SEMA5A: variants seen among roughly 807,000 people sequenced by gnomAD.
SEMA5A encodes the protein semaphorin-5A.
A neutral mutation model predicts 135.5 loss-of-function variants in SEMA5A; 55 were observed. That is an observed-to-expected ratio of 0.41 (90% CI 0.33 to 0.51). The LOEUF is 0.51. Ranked by LOEUF, SEMA5A falls within the 20% of genes least tolerant of loss-of-function variation. SEMA5A has a pLI of 0.37. For missense variants in SEMA5A, 1,290 were observed against 1,419.9 expected (o/e 0.91, Z 1.47); for synonymous variants, 580 against 546.5 (o/e 1.06, Z -0.85).
intron 11 of SEMA5A, among the ~76,000 whole-genome samples, chr5:9,155,371 A>G (rs536795664): frequency 3.2e-4 from 48 of 151,248 alleles, no homozygotes; most frequent in East Asian, 3.9e-4. Context: ...GTTTCTGTGC[A>G]CTTATTTATC....
intron 8 of SEMA5A, among the ~76,000 whole-genome samples, chr5:9,206,367 CT>C (rs1746015412): frequency 1.3e-5 from 2 of 152,068 alleles, no homozygotes; most frequent in African/African-American, 4.8e-5. Flanking sequence ...GATATAAGAA[CT>C]TTTATTTTGC....
At chr5:9,236,134 A>G (rs1747895043) in intron 6 of SEMA5A, among the ~76,000 whole-genome samples, 1 of 152,062 alleles carries the variant, frequency 6.6e-6, no homozygotes, top group African/African-American at 2.4e-5. Context: ...TCTAGCACAC[A>G]TGGGAATTAT....
intron 11 of SEMA5A, among the ~76,000 whole-genome samples, chr5:9,177,632 G>A (rs1014326489): frequency 6.6e-6 from 1 of 152,174 alleles, no homozygotes; most frequent in Non-Finnish European, 1.5e-5. Flanking sequence ...AGCCACCAAG[G>A]CTCATCTCCA....
chr5:9,255,726 T>C (rs186811257), intron 5 of SEMA5A, among the ~76,000 whole-genome samples: 98 of 152,288 alleles, frequency 6.4e-4, no homozygotes, highest in Non-Finnish European at 1.2e-3. Flanking sequence ...CCTTGGGTAA[T>C]ATTACCTTGT....
chr5:9,416,104 T>C (rs553359353), intron 2 of SEMA5A, among the ~76,000 whole-genome samples: 28 of 152,146 alleles, frequency 1.8e-4, no homozygotes, highest in Non-Finnish European at 3.4e-4. Flanking sequence ...TTTAGAGAGA[T>C]ATTGGTAAAA....
chr5:9,169,168 C>T (rs760891536), intron 11 of SEMA5A, among the ~76,000 whole-genome samples: 9 of 152,084 alleles, frequency 5.9e-5, no homozygotes, highest in Non-Finnish European at 1.2e-4. Context: ...AAAAAGCAAG[C>T]AAGCAGGAAA....
intron 8 of SEMA5A, among the ~76,000 whole-genome samples, chr5:9,210,161 T>A (rs1746264341): frequency 6.6e-6 from 1 of 152,192 alleles, no homozygotes; most frequent in African/African-American, 2.4e-5. Context: ...GAAAGAAAGA[T>A]TTACTCATCC....
At chr5:9,406,733 A>G (rs1488901164) in intron 2 of SEMA5A, among the ~76,000 whole-genome samples, 3 of 152,252 alleles carry the variant, frequency 2.0e-5, no homozygotes. Context: ...TTAAAATCAT[A>G]AAACATCTGT....
chr5:9,446,450 C>CT (rs1242774798), intron 1 of SEMA5A, among the ~76,000 whole-genome samples: 3 of 152,068 alleles, frequency 2.0e-5, no homozygotes, highest in Admixed American at 6.5e-5. Context: ...ATAGTGAATA[C>CT]TTTCTTATTT....
chr5:9,415,919 T>G (rs1757268169), intron 2 of SEMA5A, among the ~76,000 whole-genome samples: 1 of 152,214 alleles, frequency 6.6e-6, no homozygotes, highest in Non-Finnish European at 1.5e-5. Flanking sequence ...ATTTGGGACA[T>G]AGTTGAGAAA....
chr5:9,092,050 G>T (rs758167198), intron 16 of SEMA5A, among the ~76,000 whole-genome samples: 1 of 152,230 alleles, frequency 6.6e-6, no homozygotes, highest in Non-Finnish European at 1.5e-5. Flanking sequence ...TGTATTATTC[G>T]GTCTTGGGAT....
In SEMA5A at chr5:9,243,027, T is replaced by C. The variant is rs550061918; in HGVS notation, c.271-5137A>G. 2.0e-5 allele frequency among the ~76,000 whole-genome samples: 3 copies of C among 152,274 alleles called. No homozygotes were observed. In the South Asian group the frequency reaches 6.2e-4, roughly 32 times the overall value. On this transcript the variant is annotated intron_variant, in intron 5 of 22. Coordinates refer to ENST00000382496, the MANE Select transcript of SEMA5A (RefSeq NM_003966.3). The stretch of plus-strand genomic sequence containing the variant: ...CTTACATTGATAAGGAACTGCAGAG[T>C]GGTGCTCCCAGCCTGTTGAATGCTC...
intron 4 of SEMA5A, among the ~76,000 whole-genome samples, chr5:9,320,152 A>C (rs1268882951): frequency 1.3e-5 from 2 of 151,830 alleles, no homozygotes; most frequent in Non-Finnish European, 2.9e-5. Flanking sequence ...AAACAGCCTC[A>C]CCCAAACCAC....
intron 2 of SEMA5A, among the ~76,000 whole-genome samples, chr5:9,428,068 G>T (rs1757722218): frequency 7.4e-6 from 1 of 135,652 alleles, no homozygotes; most frequent in Non-Finnish European, 1.6e-5. Flanking sequence ...ATATATGTGT[G>T]TAAATATATA....
At position 9,466,398 on chromosome 5, in the gene SEMA5A, A is replaced by C. The variant is rs201244243; in HGVS notation, c.-174-28546T>G. Among the ~76,000 whole-genome samples, 23 of 148,484 alleles carry C rather than the reference A, an allele frequency of 1.5e-4. No individual in the cohort carries two copies. The East Asian group carries it at 4.6e-3, about 29-fold the overall frequency. ...AATAAAATTTAAAAAAAAAAAAAAA[A>C]GAAAAGTCCCCAGGCAGTGAAGGAA... On this transcript the variant is annotated intron_variant, in intron 1 of 22. Transcript: ENST00000382496.
At chr5:9,468,714 A>C (rs945575596) in intron 1 of SEMA5A, among the ~76,000 whole-genome samples, 3 of 152,204 alleles carry the variant, frequency 2.0e-5, no homozygotes, top group African/African-American at 7.2e-5. Context: ...GCATCCATTT[A>C]CTCGGCCAAT....
intron 1 of SEMA5A, among the ~76,000 whole-genome samples, chr5:9,451,005 A>G (rs17325010): frequency 0.045 from 6,910 of 152,324 alleles, 197 homozygotes; most frequent in Middle Eastern, 0.12. Context: ...AAAGGCTTGT[A>G]TAACTCTGAA....
At chr5:9,468,786 C>T (rs1034093067) in intron 1 of SEMA5A, among the ~76,000 whole-genome samples, 4 of 152,096 alleles carry the variant, frequency 2.6e-5, no homozygotes, top group Admixed American at 6.6e-5. Context: ...GATAAACATC[C>T]CTTTTCATGA....
intron 5 of SEMA5A, among the ~76,000 whole-genome samples, chr5:9,267,822 G>C (rs979366705): frequency 6.6e-6 from 1 of 151,798 alleles, no homozygotes; most frequent in Non-Finnish European, 1.5e-5. Flanking sequence ...TACAGAACAC[G>C]TGGATAACTT....
Sources: gnomAD v4.1 joint callset for allele counts (sites outside exome capture counted in the v4.1 genomes callset) on GRCh38, gnomAD v4.1.1 for gene constraint, MANE v1.5 for transcripts, NCBI Gene and HGNC (gene_info 2026-07-23, HGNC 2026-07-21) for gene names.